WDR41: variants seen among roughly 807,000 people sequenced by gnomAD.
The protein encoded by WDR41 is WD repeat-containing protein 41.
WDR41 carries 63 observed loss-of-function variants against 69.3 expected under a neutral mutation model. The ratio of observed to expected loss-of-function variants is 0.91; its 90% CI spans 0.74 to 1.12. The LOEUF (loss-of-function observed/expected upper bound fraction) is 1.12, where lower values mean the gene tolerates loss of function less well. WDR41 is among the 50% of genes most tolerant of loss of function. WDR41 has a pLI of 0.00. For missense variants in WDR41, 543 were observed against 534.5 expected (o/e 1.02, Z -0.16); for synonymous variants, 185 against 192.1 (o/e 0.96, Z 0.31).
At chr5:77,600,571 T>C (rs1744304630) in intron 1 of WDR41, among the ~76,000 whole-genome samples, 1 of 152,104 alleles carries the variant, frequency 6.6e-6, no homozygotes, top group Non-Finnish European at 1.5e-5. Context: ...TAAAAAAAAT[T>C]TTACTATGTA....
At chr5:77,613,804 TTAAAC>T (rs1744616012) in intron 1 of WDR41, among the ~76,000 whole-genome samples, 1 of 152,166 alleles carries the variant, frequency 6.6e-6, no homozygotes, top group African/African-American at 2.4e-5. Context: ...TGGGATCTAA[TTAAAC>T]TAAAGAGCTT....
chr5:77,515,897 C>T (rs572058065), intron 1 of WDR41, among the ~76,000 whole-genome samples: 1 of 152,178 alleles, frequency 6.6e-6, no homozygotes, highest in South Asian at 2.1e-4. Flanking sequence ...TGTGATTATA[C>T]TTTACTTAGC....
chr5:77,459,739 C>A (rs565936953), intron 4 of WDR41, among the ~76,000 whole-genome samples: 1 of 152,300 alleles, frequency 6.6e-6, no homozygotes, highest in East Asian at 1.9e-4. Flanking sequence ...CATTTACATA[C>A]ATGTATGTAC....
chr5:77,464,681 CCA>C, intron 3 of WDR41, 78 bp downstream of exon 3: 1 of 1,392,652 alleles, frequency 7.2e-7, no homozygotes, highest in Non-Finnish European at 1.0e-6. Flanking sequence ...AAATGTATCC[CCA>C]GATAGTATTT....
Position 77,599,962 on chromosome 5 carries a change from C to T in WDR41, c.42+20517G>A, listed in dbSNP as rs146004740. ...AGCAAGACAAGTTCATCGAGAAACT[C>T]CAAGTTTTGTGGTTATGGTCACATA... On this transcript the variant is annotated intron_variant, in intron 1 of 5. Coordinates refer to the WDR41 transcript ENST00000509971. Among the ~76,000 whole-genome samples, 206 of 152,286 alleles carry T rather than the reference C, an allele frequency of 1.4e-3. 3 individuals carry two copies. Among genetic ancestry groups the T allele is most frequent in the Admixed American group, 0.012 (179 of 15,296 alleles).
chr5:77,568,647 A>G (rs745530870), intron 1 of WDR41, among the ~76,000 whole-genome samples: 2 of 152,166 alleles, frequency 1.3e-5, no homozygotes, highest in African/African-American at 4.8e-5. Context: ...ATGACTAAAC[A>G]ATATAGTGCC....
chr5:77,596,163 T>C (rs1744224150), intron 1 of WDR41, among the ~76,000 whole-genome samples: 1 of 152,194 alleles, frequency 6.6e-6, no homozygotes, highest in African/African-American at 2.4e-5. Flanking sequence ...GTAGAAGGTT[T>C]TTTGAGACAG....
intron 1 of WDR41, among the ~76,000 whole-genome samples, chr5:77,516,211 T>C (rs1202558785): frequency 3.9e-5 from 6 of 152,194 alleles, no homozygotes; most frequent in Admixed American, 2.0e-4. Context: ...AATTTATTGT[T>C]TTAATTTGCA....
chr5:77,614,269 C>T (rs1485681370), intron 1 of WDR41, among the ~76,000 whole-genome samples: 2 of 151,034 alleles, frequency 1.3e-5, no homozygotes, highest in African/African-American at 4.9e-5. Flanking sequence ...CTAGAAATAC[C>T]ATTTGACCCA....
rs1211209201 is a variant in WDR41 at position 77,578,827 on chromosome 5, G to GCACT, written c.42+41648_42+41651dup. On this transcript the variant is annotated intron_variant, in intron 1 of 5. Transcript: ENST00000509971. Reference sequence around the variant, plus strand: ...TGCAGTAAGCCAAGATCGCACCACTGCACTCTAGTCTGAGTGACAAGAGCA... The same window carrying GCACT: ...TGCAGTAAGCCAAGATCGCACCACTGCACTCACTCTAGTCTGAGTGACAAGAGCA... Among the ~76,000 whole-genome samples the GCACT allele has an allele frequency of 1.5e-5, 2 of 130,162 alleles. 1 individual carries two copies. The highest frequency in any genetic ancestry group is 6.0e-5 in the African/African-American group (2 of 33,276). 85.4% of individuals were successfully genotyped at this position (130,162 alleles called of 152,430 possible). A position where few individuals can be genotyped will look rare whatever the true frequency, so the allele number is the denominator to read the frequency against.
chr5:77,619,510 T>A (rs892427208), intron 1 of WDR41, among the ~76,000 whole-genome samples: 1 of 152,002 alleles, frequency 6.6e-6, no homozygotes, highest in Non-Finnish European at 1.5e-5. Context: ...ATCTGAAAGG[T>A]GCTTGAGCAA....
At chr5:77,558,465 C>T (rs149962440) in intron 1 of WDR41, among the ~76,000 whole-genome samples, 1 of 152,302 alleles carries the variant, frequency 6.6e-6, no homozygotes, top group East Asian at 1.9e-4. Flanking sequence ...AAAAGAGCCT[C>T]GCTGACCTGC....
chr5:77,585,014 G>C lies in WDR41; in HGVS notation c.42+35465C>G, dbSNP rs561927254. 2.0e-5 allele frequency among the ~76,000 whole-genome samples: 3 copies of C among 152,054 alleles called. No homozygotes were observed. In the South Asian group the frequency reaches 6.2e-4, roughly 32 times the overall value. On this transcript the variant is annotated intron_variant, in intron 1 of 5. Coordinates refer to the WDR41 transcript ENST00000509971. ...AAAGAGCTTTTGCACAGCAAAAGGA[G>C]CAGTCAGCAGAGTAAACAGACAACT...
intron 1 of WDR41, among the ~76,000 whole-genome samples, chr5:77,587,359 T>C (rs1744059536): frequency 2.0e-5 from 3 of 152,166 alleles, no homozygotes; most frequent in African/African-American, 7.2e-5. Context: ...GCTGGACATA[T>C]ATCTAGGAGT....
At chr5:77,597,128 A>C (rs985237289) in intron 1 of WDR41, among the ~76,000 whole-genome samples, 1 of 152,044 alleles carries the variant, frequency 6.6e-6, no homozygotes, top group Non-Finnish European at 1.5e-5. Context: ...GTCAAAAAAA[A>C]AAGAAGAAAA....
At chr5:77,487,920 C>T (rs967129658) in intron 2 of WDR41, among the ~76,000 whole-genome samples, 1 of 152,222 alleles carries the variant, frequency 6.6e-6, no homozygotes, top group Non-Finnish European at 1.5e-5. Flanking sequence ...ATTGGTGATA[C>T]ACACTGATGT....
At chr5:77,509,700 C>A (rs966061177) in intron 1 of WDR41, among the ~76,000 whole-genome samples, 9 of 152,136 alleles carry the variant, frequency 5.9e-5, no homozygotes, top group African/African-American at 2.2e-4. Context: ...AAAATGGTAA[C>A]AGGGCAATGG....
At position 77,432,192 on chromosome 5, in the gene WDR41, G is replaced by A. The variant is rs1200611831; in HGVS notation, c.*943C>T. ...GGGTCAGTCTGCTAACATCTGTCAC[G>A]TTGCCCTTTCTTCATCAGTAGTTTA... On this transcript the variant is annotated 3_prime_UTR_variant, in exon 13 of 13. Coordinates refer to ENST00000296679, the MANE Select transcript of WDR41 (RefSeq NM_018268.4). The A allele has an allele frequency of 6.6e-6, 1 of 152,168 alleles. No individual in the cohort carries two copies. Among genetic ancestry groups the A allele is most frequent in the African/African-American group, 2.4e-5 (1 of 41,454 alleles). The allele number at this position is 152,168 out of a possible 1,614,324, so 9.4% of individuals were successfully genotyped here.
chr5:77,448,064 T>C (rs1581703151), intron 8 of WDR41, among the ~76,000 whole-genome samples: 1 of 152,200 alleles, frequency 6.6e-6, no homozygotes, highest in South Asian at 2.1e-4. Flanking sequence ...GTAAAAGACA[T>C]GCCATGAAGT....
Sources: allele counts gnomAD v4.1 joint callset (sites outside exome capture counted in the v4.1 genomes callset), GRCh38; gene constraint gnomAD v4.1.1; transcripts MANE v1.5; gene names NCBI Gene and HGNC (gene_info 2026-07-23, HGNC 2026-07-21).